The following CLSTN1 variants were observed in gnomAD, a reference collection of about 807,000 sequenced individuals.
CLSTN1 encodes the protein calsyntenin-1.
A neutral mutation model predicts 108.3 loss-of-function variants in CLSTN1; 28 were observed. The ratio of observed to expected loss-of-function variants is 0.26; its 90% confidence interval spans 0.19 to 0.35. The LOEUF (loss-of-function observed/expected upper bound fraction) is 0.35, where lower values mean the gene tolerates loss of function less well. Among genes scored for constraint, CLSTN1 ranks in the 10% least tolerant of loss-of-function variants. The pLI, the probability that CLSTN1 is intolerant of heterozygous loss-of-function variation, is 1.00. For missense variants in CLSTN1, 1,157 were observed against 1,302.6 expected (o/e 0.89, Z 1.72); for synonymous variants, 524 against 534.9 (o/e 0.98, Z 0.28).
intron 1 of CLSTN1, among the ~76,000 whole-genome samples, chr1:9,786,796 C>T (rs1008884627): frequency 6.6e-6 from 1 of 151,456 alleles, no homozygotes. Flanking sequence ...CACTACCCAG[C>T]TCACAGGGCC....
At chr1:9,771,318 A>C (rs552924348) in intron 2 of CLSTN1, among the ~76,000 whole-genome samples, 1 of 152,310 alleles carries the variant, frequency 6.6e-6, no homozygotes, top group South Asian at 2.1e-4. Flanking sequence ...CGTCTCTACT[A>C]AAAATACAAA....
rs531690869 is a variant in CLSTN1 at position 9,793,679 on chromosome 1, G to A, written c.92-20285C>T. On this transcript the variant is annotated intron_variant, in intron 1 of 18. Coordinates refer to ENST00000377298, the MANE Select transcript of CLSTN1 (RefSeq NM_001009566.3). ...TTTTGCCCTCTGTATGTCCCGCCTC[G>A]GGTGGGGTCTTCAGCTTTGCTCTTC... 2.6e-4 allele frequency among the ~76,000 whole-genome samples: 39 copies of A among 151,592 alleles called. 1 individual carries two copies. The South Asian group carries it at 2.8e-3, about 11-fold the overall frequency.
intron 1 of CLSTN1, among the ~76,000 whole-genome samples, chr1:9,786,664 A>AAAC (rs1557714775): frequency 6.7e-6 from 1 of 150,198 alleles, no homozygotes; most frequent in African/African-American, 2.4e-5. Flanking sequence ...AAAAAAAAAA[A>AAAC]AAAAAAAAAC....
At position 9,777,345 on chromosome 1, in the gene CLSTN1, T is replaced by C. The variant is rs117066609; in HGVS notation, c.92-3951A>G. ...GGCCAGCCTGACCAATATGGTAAAATCCTCCTGTCTTTACTATAAATACAA... is the reference window on the plus strand; with the variant it reads ...GGCCAGCCTGACCAATATGGTAAAACCCTCCTGTCTTTACTATAAATACAA... On this transcript the variant is annotated intron_variant, in intron 1 of 18. Transcript: ENST00000377298. Among the ~76,000 whole-genome samples the C allele has an allele frequency of 4.6e-3, 659 of 143,644 alleles. 11 individuals are homozygous for C. The East Asian group carries it at 0.047, about 10-fold the overall frequency. 94.2% of individuals were successfully genotyped at this position (143,644 alleles called of 152,430 possible). A position where few individuals can be genotyped will look rare whatever the true frequency, so the allele number is the denominator to read the frequency against.
intron 4 of CLSTN1, 63 bp from the exon 5 acceptor site, chr1:9,751,744 AGTGTGTAT>A: frequency 6.9e-7 from 1 of 1,446,824 alleles, no homozygotes; most frequent in South Asian, 1.2e-5. Flanking sequence ...AGAGACAGAG[AGTGTGTAT>A]GTGTGTTTAC....
At chr1:9,800,574 A>G (rs2101267401) in intron 1 of CLSTN1, among the ~76,000 whole-genome samples, 1 of 149,618 alleles carries the variant, frequency 6.7e-6, no homozygotes, top group Admixed American at 6.7e-5. Context: ...AAAAAAAAAA[A>G]AAAAAATTAG....
At chr1:9,731,164 T>C in intron 18 of CLSTN1, 42 bp downstream of exon 18, 1 of 1,612,100 alleles carries the variant, frequency 6.2e-7, no homozygotes, top group Non-Finnish European at 8.5e-7. Flanking sequence ...GGCCCTGGCC[T>C]GTGCTGCCTC....
intron 1 of CLSTN1, among the ~76,000 whole-genome samples, chr1:9,781,547 G>C (rs943087685): frequency 6.6e-6 from 1 of 151,536 alleles, no homozygotes. Context: ...GGGTTCAAGC[G>C]ATTCTCCTGC....
At chr1:9,736,122 A>G in intron 11 of CLSTN1, 80 bp from the exon 12 acceptor site, 1 of 1,570,430 alleles carries the variant, frequency 6.4e-7, no homozygotes, top group Non-Finnish European at 8.7e-7. Context: ...ACACGGTGTT[A>G]CCGGTGCTGG....
chr1:9,796,217 A>AT (rs1376872535), intron 1 of CLSTN1, among the ~76,000 whole-genome samples: 2 of 148,910 alleles, frequency 1.3e-5, no homozygotes, highest in Non-Finnish European at 3.0e-5. Context: ...AGCGGAGATC[A>AT]TGCCACCGCA....
intron 2 of CLSTN1, among the ~76,000 whole-genome samples, chr1:9,771,155 G>A (rs1045334092): frequency 1.8e-4 from 27 of 152,256 alleles, no homozygotes; most frequent in Admixed American, 2.0e-4. Context: ...CTTGAAATGC[G>A]TAAAACATCA....
Position 9,735,107 on chromosome 1 carries a change from C to T in CLSTN1, c.1951G>A (p.Glu651Lys), listed in dbSNP as rs142701954. Residue 651 changes from glutamate to lysine, a missense_variant, in exon 14 of 19, where the codon GAG becomes AAG. Glu to Lys is a moderately conservative substitution (Grantham distance 56). Coordinates refer to ENST00000377298, the MANE Select transcript of CLSTN1 (RefSeq NM_001009566.3). ...CCACTCAGGCTGATCTTGGGCTCCT[C>T]GGGCTGTAAAACCATCACGTAGCCA... ...VDGYVMVLQP[E>K]EPKISLSGVH... 61 of 1,614,198 alleles carry T rather than the reference C, an allele frequency of 3.8e-5. 2 individuals are homozygous for T. The highest frequency in any genetic ancestry group is 2.5e-4 in the South Asian group (23 of 91,090).
At chr1:9,782,055 T>C (rs1653276139) in intron 1 of CLSTN1, among the ~76,000 whole-genome samples, 1 of 152,236 alleles carries the variant, frequency 6.6e-6, no homozygotes, top group South Asian at 2.1e-4. Context: ...GTCGGAATCT[T>C]GTTTTTTAAA....
Position 9,749,893 on chromosome 1 carries a change from T to G in CLSTN1, c.670A>C (p.Lys224Gln). 1 of 1,613,978 alleles carries G rather than the reference T, an allele frequency of 6.2e-7. No homozygotes were observed. The highest frequency in any genetic ancestry group is 8.5e-7 in the Non-Finnish European group (1 of 1,179,964). Reference protein sequence around the residue: ...DKDGYIKNTEKLNYGKEHQYK... With the variant: ...DKDGYIKNTEQLNYGKEHQYK... ...TGATGTTCTTTCCCGTAGTTTAATT[T>G]CTCTGTGTTTTTTATATAACCTTAC... is the stretch of plus-strand genomic sequence containing the variant. The change falls in exon 6 of 19, where the codon AAA (lysine) becomes CAA (glutamine). Residue 224 changes from lysine (K) to glutamine (Q), a missense_variant. Physicochemically the swap from Lys to Gln is moderately conservative, Grantham distance 53. Coordinates refer to ENST00000377298, the MANE Select transcript of CLSTN1 (RefSeq NM_001009566.3).
chr1:9,820,934 G>A lies in CLSTN1; in HGVS notation c.91+2709C>T, dbSNP rs563178889. Among the ~76,000 whole-genome samples, 6 of 152,296 alleles carry A rather than the reference G, an allele frequency of 3.9e-5. No individual in the cohort carries two copies. The South Asian group carries it at 6.2e-4, about 16-fold the overall frequency. On this transcript the variant is annotated intron_variant, in intron 1 of 18. Coordinates refer to ENST00000377298, the MANE Select transcript of CLSTN1 (RefSeq NM_001009566.3). ...AGGGGAGGTCTCACTAAGCCTATGT[G>A]CAAATGGAAAAGTAACAGTGAATTT...
rs747996827 is a variant in CLSTN1, at chr1:9,734,797, G to A, written c.2110+151C>T. On this transcript the variant is annotated intron_variant, in intron 14 of 18. Transcript: ENST00000377298. The surrounding 1 kb of genome is among the most constrained non-coding windows in gnomAD (Gnocchi z 4.8). Reference sequence around the variant, plus strand: ...GAGATCACCATGAGCTCCAGCTCACGGGTCAGATTCCAGAAGCACACCCGA... The same window carrying A: ...GAGATCACCATGAGCTCCAGCTCACAGGTCAGATTCCAGAAGCACACCCGA... 1.4e-4 allele frequency: 93 copies of A among 646,864 alleles called. No individual in the cohort carries two copies. Among genetic ancestry groups the A allele is most frequent in the Admixed American group, 4.3e-4 (15 of 35,120 alleles). The allele number at this position is 646,864 out of a possible 1,614,324, so 40.1% of individuals were successfully genotyped here.
At chr1:9,819,418 T>G (rs1655110773) in intron 1 of CLSTN1, among the ~76,000 whole-genome samples, 1 of 152,230 alleles carries the variant, frequency 6.6e-6, no homozygotes, top group Non-Finnish European at 1.5e-5. Flanking sequence ...TGTTACGAAA[T>G]TACAGCATTT....
In CLSTN1 at chr1:9,823,369, C is replaced by T. The variant is rs1051269506; in HGVS notation, c.91+274G>A. 6.6e-6 allele frequency among the ~76,000 whole-genome samples: 1 copy of T among 152,162 alleles called. No individual in the cohort carries two copies. Among genetic ancestry groups the T allele is most frequent in the Non-Finnish European group, 1.5e-5 (1 of 68,002 alleles). On this transcript the variant is annotated intron_variant, in intron 1 of 18. Transcript: ENST00000377298. This position sits in a 1 kb window ranked among gnomAD's most constrained non-coding sequence, Gnocchi z 6.3. ...GCAGCCCAGGCTCAGGAGCCCCGCC[C>T]GGGACGGAGCCTGGCTTCCCCGGGA...
At chr1:9,814,131 T>G (rs1654878584) in intron 1 of CLSTN1, among the ~76,000 whole-genome samples, 1 of 150,970 alleles carries the variant, frequency 6.6e-6, no homozygotes, top group Admixed American at 6.6e-5. Flanking sequence ...AATGTTAGGC[T>G]GAGCATGGTG....
Sources: gnomAD v4.1 joint callset for allele counts (sites outside exome capture counted in the v4.1 genomes callset) on GRCh38, gnomAD v4.1.1 for gene constraint, Gnocchi (gnomAD v3.1) non-coding constraint, MANE v1.5 for transcripts, NCBI Gene and HGNC (gene_info 2026-07-23, HGNC 2026-07-21) for gene names.